SLC49A4: variants seen among roughly 807,000 people sequenced by gnomAD.
The protein encoded by SLC49A4 is solute carrier family 49 member 4.
A neutral mutation model predicts 50.6 loss-of-function variants in SLC49A4; 36 were observed. The ratio of observed to expected loss-of-function variants is 0.71; its 90% CI spans 0.55 to 0.94. SLC49A4 has a LOEUF of 0.94. SLC49A4 is among the 40% of genes least tolerant of loss of function. The pLI is 0.00. For missense variants in SLC49A4, 503 were observed against 605.7 expected, an observed-to-expected ratio of 0.83 and a Z score of 1.78; for synonymous variants, 248 against 241.2, an observed-to-expected ratio of 1.03 and a Z score of -0.26.
intron 2 of SLC49A4, among the ~76,000 whole-genome samples, chr3:122,807,855 T>A (rs1936244737): frequency 6.6e-6 from 1 of 152,158 alleles, no homozygotes; most frequent in East Asian, 1.9e-4. Flanking sequence ...TTATTAACAG[T>A]GTACTTTACT....
At chr3:122,833,482 G>C in intron 4 of SLC49A4, 36 bp downstream of exon 4, 1 of 1,577,648 alleles carries the variant, frequency 6.3e-7, no homozygotes. Flanking sequence ...GGCTTTGACT[G>C]ACACCTTCAA....
rs551945081 is a variant in SLC49A4 at position 122,828,580 on chromosome 3, G to A, written c.703+1515G>A. Reference sequence around the variant, plus strand: ...AAGCCCCACGCAAACCTTCTAAGCAGGCCTGAAGGGTTTAAGGTTCACCAC... The same window carrying A: ...AAGCCCCACGCAAACCTTCTAAGCAAGCCTGAAGGGTTTAAGGTTCACCAC... On this transcript the variant is annotated intron_variant, in intron 3 of 8. Transcript: ENST00000261038. Among the ~76,000 whole-genome samples, 16 of 152,304 alleles carry A rather than the reference G, an allele frequency of 1.1e-4. No individual in the cohort carries two copies. In the South Asian group the frequency reaches 3.1e-3, roughly 30 times the overall value.
intron 5 of SLC49A4, among the ~76,000 whole-genome samples, chr3:122,855,407 T>C (rs1434227279): frequency 3.9e-5 from 6 of 152,136 alleles, no homozygotes; most frequent in Non-Finnish European, 7.4e-5. Flanking sequence ...GACATGAAAT[T>C]TCATTCATAA....
At chr3:122,832,703 A>G (rs978716021) in intron 3 of SLC49A4, among the ~76,000 whole-genome samples, 2 of 152,144 alleles carry the variant, frequency 1.3e-5, no homozygotes, top group Middle Eastern at 3.2e-3. Context: ...TGTTTTCTCC[A>G]TAAGACAACA....
chr3:122,800,210 A>G (rs1336369870), intron 1 of SLC49A4, among the ~76,000 whole-genome samples: 1 of 152,228 alleles, frequency 6.6e-6, no homozygotes. Context: ...TCCCTGGAGT[A>G]GAGGACTGAG....
At chr3:122,800,158 T>G (rs1576288703) in intron 1 of SLC49A4, among the ~76,000 whole-genome samples, 1 of 152,260 alleles carries the variant, frequency 6.6e-6, no homozygotes, top group East Asian at 1.9e-4. Context: ...ATAAAAAGTG[T>G]CTTGTGGCTG....
chr3:122,866,220 T>TA (rs1236856100), intron 7 of SLC49A4, among the ~76,000 whole-genome samples: 1 of 151,282 alleles, frequency 6.6e-6, no homozygotes, highest in Non-Finnish European at 1.5e-5. Flanking sequence ...TTTTTTTTTT[T>TA]TTGTAGAGAT....
chr3:122,819,449 A>G (rs1936421208), intron 2 of SLC49A4, among the ~76,000 whole-genome samples: 1 of 152,118 alleles, frequency 6.6e-6, no homozygotes, highest in Non-Finnish European at 1.5e-5. Flanking sequence ...AGTTATTAAA[A>G]GCTTCTTTAG....
intron 5 of SLC49A4, among the ~76,000 whole-genome samples, chr3:122,853,632 C>T (rs913692326): frequency 3.3e-5 from 5 of 152,286 alleles, no homozygotes; most frequent in South Asian, 2.1e-4. Flanking sequence ...CGGTAGCACA[C>T]GCCTGTAATC....
At chr3:122,864,364 A>G (rs530748873) in intron 7 of SLC49A4, among the ~76,000 whole-genome samples, 4 of 152,364 alleles carry the variant, frequency 2.6e-5, no homozygotes, top group South Asian at 4.1e-4. Context: ...TTGAAAATAC[A>G]TTATTCACCT....
Position 122,795,471 on chromosome 3 carries a change from C to G in SLC49A4, c.279C>G (p.Leu93=), listed in dbSNP as rs563537790. The G allele has an allele frequency of 3.1e-6, 5 of 1,606,522 alleles. No individual in the cohort carries two copies. In the African/African-American group the frequency reaches 6.7e-5, roughly 21 times the overall value. ...YGFSSWDIAL[L]VLWGPIGFLP... is the part of the protein sequence containing the mutation. ...TCTCCAGCTGGGACATCGCGCTGCTCGTGCTGTGGGGGCCCATCGGCTTCC... is the reference window on the plus strand; with the variant it reads ...TCTCCAGCTGGGACATCGCGCTGCTGGTGCTGTGGGGGCCCATCGGCTTCC... Residue 93 remains leucine, a synonymous_variant, in exon 1 of 9, where the codon CTC becomes CTG. Coordinates refer to ENST00000261038, the MANE Select transcript of SLC49A4 (RefSeq NM_032839.3).
intron 8 of SLC49A4, among the ~76,000 whole-genome samples, chr3:122,876,644 T>C (rs925783893): frequency 6.6e-6 from 1 of 151,994 alleles, no homozygotes; most frequent in Non-Finnish European, 1.5e-5. Flanking sequence ...TAAAAGAAAA[T>C]AGGAAGTTTG....
intron 2 of SLC49A4, among the ~76,000 whole-genome samples, chr3:122,815,698 C>G (rs918578759): frequency 2.6e-5 from 4 of 152,192 alleles, no homozygotes; most frequent in African/African-American, 9.7e-5. Flanking sequence ...TCTCTGGGCT[C>G]TATCAGATCT....
intron 4 of SLC49A4, among the ~76,000 whole-genome samples, chr3:122,843,040 C>T (rs1301227229): frequency 1.3e-5 from 2 of 152,134 alleles, no homozygotes; most frequent in Non-Finnish European, 2.9e-5. Flanking sequence ...TTTCCTTCTC[C>T]CATTTCCCTC....
At chr3:122,875,878 G>A (rs1389191410) in intron 8 of SLC49A4, among the ~76,000 whole-genome samples, 1 of 152,178 alleles carries the variant, frequency 6.6e-6, no homozygotes, top group Non-Finnish European at 1.5e-5. Context: ...GCAGATTAGA[G>A]CCATTGCAGT....
chr3:122,858,570 A>G (rs746373868), intron 6 of SLC49A4, among the ~76,000 whole-genome samples: 1 of 152,214 alleles, frequency 6.6e-6, no homozygotes, highest in Non-Finnish European at 1.5e-5. Context: ...CAGCTCTCAT[A>G]GGAAGTCATT....
intron 4 of SLC49A4, among the ~76,000 whole-genome samples, chr3:122,837,745 A>G (rs908611223): frequency 2.0e-4 from 31 of 151,458 alleles, no homozygotes; most frequent in African/African-American, 7.0e-4. Context: ...TCTGCACAGC[A>G]AAAGAAACTA....
rs770051652 is a variant in SLC49A4 at position 122,833,422 on chromosome 3, G to A, written c.809G>A (p.Arg270Gln). The A allele has an allele frequency of 4.4e-5, 71 of 1,613,276 alleles. No homozygotes were observed. The highest frequency in any genetic ancestry group is 3.0e-4 in the Admixed American group (18 of 59,942). Reference sequence around the variant, plus strand: ...GCAGCTAGCCAGCGGCTGAGTTATCGGAGAAGCGTTTGTAGATTATTAAGG... The same window carrying A: ...GCAGCTAGCCAGCGGCTGAGTTATCAGAGAAGCGTTTGTAGATTATTAAGG... ...VAAASQRLSY[R>Q]RSVCRLLSNF... Residue 270 changes from arginine to glutamine, a missense_variant, in exon 4 of 9, where the codon CGG becomes CAG. By Grantham distance (43) the Arg-to-Gln change is conservative. Transcript: ENST00000261038.
chr3:122,877,028 T>A (rs1390199348), intron 8 of SLC49A4, among the ~76,000 whole-genome samples: 3 of 152,176 alleles, frequency 2.0e-5, no homozygotes, highest in Non-Finnish European at 4.4e-5. Context: ...ACCATGCTCA[T>A]TTTAAAAGAT....
Sources: gnomAD v4.1 joint callset for allele counts (sites outside exome capture counted in the v4.1 genomes callset) on GRCh38, gnomAD v4.1.1 for gene constraint, MANE v1.5 for transcripts, NCBI Gene and HGNC (gene_info 2026-07-23, HGNC 2026-07-21) for gene names.